TMPRSS12: variants seen among roughly 807,000 people sequenced by gnomAD.
TMPRSS12 encodes the protein transmembrane protease serine 12.
Under a neutral mutation model 26.0 loss-of-function variants are expected in TMPRSS12, and 25 were observed. The ratio of observed to expected loss-of-function variants is 0.96; its 90% CI spans 0.70 to 1.34. TMPRSS12 has a LOEUF of 1.34. TMPRSS12 is among the 40% of genes most tolerant of loss of function. TMPRSS12 has a pLI of 0.00. For synonymous variants in TMPRSS12, 150 were observed against 161.7 expected (o/e 0.93, Z 0.55); for missense variants, 441 against 440.1 (o/e 1.00, Z -0.02).
At chr12:50,844,408 C>G (rs567250909) in intron 2 of TMPRSS12, among the ~76,000 whole-genome samples, 33 of 151,684 alleles carry the variant, frequency 2.2e-4, no homozygotes, top group Non-Finnish European at 4.4e-4. Context: ...GAGTGTCACT[C>G]TGTTACCCAG....
chr12:50,851,148 GT>G (rs1236813973), intron 2 of TMPRSS12, among the ~76,000 whole-genome samples: 13 of 152,224 alleles, frequency 8.5e-5, no homozygotes, highest in Non-Finnish European at 8.8e-5. Flanking sequence ...AAAAGCCAGA[GT>G]TTCTTCTTAT....
intron 3 of TMPRSS12, among the ~76,000 whole-genome samples, chr12:50,885,034 ACT>A (rs1938211497): frequency 1.3e-5 from 2 of 152,038 alleles, no homozygotes; most frequent in African/African-American, 2.4e-5. Flanking sequence ...ATAGATCAAG[ACT>A]CTATCTCAAA....
At chr12:50,854,931 G>A (rs920490098) in intron 2 of TMPRSS12, among the ~76,000 whole-genome samples, 7 of 151,366 alleles carry the variant, frequency 4.6e-5, no homozygotes, top group South Asian at 2.1e-4. Context: ...TCAAATTACC[G>A]ACAACATTTT....
At chr12:50,872,967 A>G (rs1246580323) in intron 3 of TMPRSS12, among the ~76,000 whole-genome samples, 1 of 150,810 alleles carries the variant, frequency 6.6e-6, no homozygotes. Flanking sequence ...ATATATGTAC[A>G]TATATATGAC....
intron 4 of TMPRSS12, 33 bp downstream of exon 4, chr12:50,885,421 T>G: frequency 6.2e-7 from 1 of 1,613,334 alleles, no homozygotes; most frequent in Non-Finnish European, 8.5e-7. Flanking sequence ...TAAAATATTT[T>G]CTGAAGCCAG....
At chr12:50,843,774 T>C in intron 1 of TMPRSS12, 68 bp from the exon 2 acceptor site, 3 of 1,445,626 alleles carry the variant, frequency 2.1e-6, no homozygotes, top group African/African-American at 2.9e-5. Context: ...TGCATTAATA[T>C]GTTCAGCTTA....
intron 2 of TMPRSS12, among the ~76,000 whole-genome samples, chr12:50,852,870 C>T (rs1937839538): frequency 1.3e-5 from 2 of 152,194 alleles, no homozygotes; most frequent in Admixed American, 1.3e-4. Flanking sequence ...GATAACCACA[C>T]AATAATAGTG....
chr12:50,843,031 T>C lies in TMPRSS12; in HGVS notation c.67T>C (p.Tyr23His), dbSNP rs781041466. 1.2e-6 allele frequency: 2 copies of C among 1,606,428 alleles called. No individual in the cohort carries two copies. Among genetic ancestry groups the C allele is most frequent in the South Asian group, 1.1e-5 (1 of 89,454 alleles). ...GAGCTCTCACTTATACTCAGACCAC[T>C]ACTCGCCCTCTGGAAGGCACAGGCT... ...VGSSHLYSDHYSPSGRHRLGP... is the reference protein window; with the variant it reads ...VGSSHLYSDHHSPSGRHRLGP... The change falls in exon 1 of 5, where the codon TAC becomes CAC. Residue 23 changes from tyrosine to histidine, a missense_variant. Tyr to His is a moderately conservative substitution (Grantham distance 83). Transcript: ENST00000398458.
In TMPRSS12 at chr12:50,887,689, C is replaced by T. The variant is rs1938242053; in HGVS notation, c.*176C>T. The T allele has an allele frequency of 1.6e-6, 1 of 644,660 alleles. No individual in the cohort carries two copies. The highest frequency in any genetic ancestry group is 1.8e-5 in the African/African-American group (1 of 54,462). 39.9% of individuals were successfully genotyped at this position (644,660 alleles called of 1,614,324 possible). A position where few individuals can be genotyped will look rare whatever the true frequency, so the allele number is the denominator to read the frequency against. Reference sequence around the variant, plus strand: ...TACAATTGTAATTTTGGCACTGAATCACATGTCTCCTTGAAATATCTTGAT... The same window carrying T: ...TACAATTGTAATTTTGGCACTGAATTACATGTCTCCTTGAAATATCTTGAT... On this transcript the variant is annotated 3_prime_UTR_variant, in exon 5 of 5. Coordinates refer to ENST00000398458, the MANE Select transcript of TMPRSS12 (RefSeq NM_182559.3).
intron 2 of TMPRSS12, among the ~76,000 whole-genome samples, chr12:50,855,341 A>G (rs149758747): frequency 2.6e-5 from 4 of 152,342 alleles, no homozygotes; most frequent in African/African-American, 7.2e-5. Context: ...TCTAGGATCT[A>G]TAAGGAACTT....
intron 2 of TMPRSS12, among the ~76,000 whole-genome samples, chr12:50,846,127 C>G (rs1937764363): frequency 6.6e-6 from 1 of 152,160 alleles, no homozygotes; most frequent in Non-Finnish European, 1.5e-5. Context: ...TACACAAAAG[C>G]TTTTAATTTT....
In TMPRSS12 at chr12:50,859,116, C is replaced by T; in HGVS notation, c.652+63C>T. 5 of 1,407,610 alleles carry T rather than the reference C, an allele frequency of 3.6e-6. No homozygotes were observed. In the South Asian group the frequency reaches 4.5e-5, roughly 13 times the overall value. 87.2% of individuals were successfully genotyped at this position (1,407,610 alleles called of 1,614,324 possible). A position where few individuals can be genotyped will look rare whatever the true frequency, so the allele number is the denominator to read the frequency against. The stretch of plus-strand genomic sequence containing the variant: ...TGATTATGGGCAGAGGAAGGTCAAA[C>T]CTTTTATATACATTCATGTGCCACA... On this transcript the variant is annotated intron_variant, in intron 3 of 4. Transcript: ENST00000398458.
chr12:50,885,385 C>T lies in TMPRSS12; in HGVS notation c.792C>T (p.Cys264=). 2 of 1,613,712 alleles carry T rather than the reference C, an allele frequency of 1.2e-6. No homozygotes were observed. Among genetic ancestry groups the T allele is most frequent in the Non-Finnish European group, 1.7e-6 (2 of 1,179,806 alleles). ...AGDEDGAFDT[C]RGDSGGPLMC... The stretch of plus-strand genomic sequence containing the variant: ...ATGAAGATGGAGCTTTTGATACTTG[C>T]AGGGTAAGACCAAGTAATTTTCCTT... The change falls in exon 4 of 5, where the codon TGC becomes TGT. Residue 264 remains cysteine, a synonymous_variant. Coordinates refer to ENST00000398458, the MANE Select transcript of TMPRSS12 (RefSeq NM_182559.3).
At position 50,843,128 on chromosome 12, in the gene TMPRSS12, G is replaced by C; in HGVS notation, c.164G>C (p.Arg55Thr). The C allele has an allele frequency of 6.4e-7, 1 of 1,557,776 alleles. No individual in the cohort carries two copies. The highest frequency in any genetic ancestry group is 8.7e-7 in the Non-Finnish European group (1 of 1,149,912). Residue 55 changes from arginine to threonine, a missense_variant, in exon 1 of 5, where the codon AGG becomes ACG. Arg to Thr is a moderately conservative substitution (Grantham distance 71). Transcript: ENST00000398458. ...EAVRKRLRRR[R>T]EGGAHAEDCG... ...GTCCGCAAGAGGCTCCGGCGGCGGA[G>C]GGAGGGAGGGGCGCATGCAGAGGGC...
At chr12:50,885,557 T>A (rs1465250665) in intron 4 of TMPRSS12, 169 bp downstream of exon 4, 1 of 817,932 alleles carries the variant, frequency 1.2e-6, no homozygotes, top group East Asian at 2.6e-5. Context: ...TGGTTCCTGA[T>A]TCCATGGTTT....
chr12:50,875,218 G>C (rs750783074), intron 3 of TMPRSS12, among the ~76,000 whole-genome samples: 13 of 152,048 alleles, frequency 8.5e-5, no homozygotes, highest in Non-Finnish European at 1.5e-4. Flanking sequence ...CATTGGACAT[G>C]GTGACTCTTG....
In TMPRSS12 at chr12:50,887,491, T is replaced by C. The variant is rs1938239565; in HGVS notation, c.1025T>C (p.Val342Ala). The C allele has an allele frequency of 6.2e-7, 1 of 1,613,142 alleles. No homozygotes were observed. The highest frequency in any genetic ancestry group is 8.5e-7 in the Non-Finnish European group (1 of 1,179,572). The change falls in exon 5 of 5, where the codon GTC becomes GCC. Residue 342 changes from valine (V) to alanine (A), a missense_variant. By Grantham distance (64) the Val-to-Ala change is moderately conservative. Coordinates refer to ENST00000398458, the MANE Select transcript of TMPRSS12 (RefSeq NM_182559.3). ...CAGATCCTCATAGCTTTATGTTTTG[T>C]CATCTTACTAGCAACAACATAAAGA... ...RGQILIALCF[V>A]ILLATT
At chr12:50,879,189 G>A (rs555574662) in intron 3 of TMPRSS12, among the ~76,000 whole-genome samples, 3 of 152,304 alleles carry the variant, frequency 2.0e-5, no homozygotes, top group African/African-American at 7.2e-5. Context: ...CTAAGTATAA[G>A]AGCTACAGTT....
intron 3 of TMPRSS12, among the ~76,000 whole-genome samples, chr12:50,871,977 T>G (rs1938047548): frequency 6.6e-6 from 1 of 151,420 alleles, no homozygotes; most frequent in African/African-American, 2.4e-5. Context: ...CAGGGAATGC[T>G]TCTACACTGC....
Sources: allele counts gnomAD v4.1 joint callset (sites outside exome capture counted in the v4.1 genomes callset), GRCh38; gene constraint gnomAD v4.1.1; transcripts MANE v1.5; gene names NCBI Gene and HGNC (gene_info 2026-07-23, HGNC 2026-07-21).